DDHD2: variants seen among roughly 807,000 people sequenced by gnomAD.
DDHD2 encodes the protein triacylglycerol hydrolase DDHD2.
A neutral mutation model predicts 91.2 loss-of-function variants in DDHD2; 62 were observed. The observed-to-expected ratio is 0.68, with a 90% CI of 0.55 to 0.84. DDHD2 has a LOEUF of 0.84. Ranked by LOEUF, DDHD2 falls within the 40% of genes least tolerant of loss-of-function variation. DDHD2 has a pLI of 0.00. For synonymous variants in DDHD2, 271 were observed against 293.9 expected, an observed-to-expected ratio of 0.92 and a Z score of 0.80; for missense variants, 740 against 846.9, an observed-to-expected ratio of 0.87 and a Z score of 1.57.
chr8:38,232,707 G>C (rs1804379875), intron 1 of DDHD2, among the ~76,000 whole-genome samples: 1 of 152,148 alleles, frequency 6.6e-6, no homozygotes, highest in Admixed American at 6.5e-5. Context: ...GTGGTCCTGT[G>C]ATTCTGGGTT....
intron 6 of DDHD2, among the ~76,000 whole-genome samples, chr8:38,241,802 C>G (rs1231403757): frequency 6.0e-5 from 9 of 150,660 alleles, no homozygotes; most frequent in African/African-American, 2.2e-4. Context: ...ACCTGTAATC[C>G]CAGCACTTTG....
At chr8:38,255,189 C>T (rs539922848) in intron 16 of DDHD2, 12 of 232,174 alleles carry the variant, frequency 5.2e-5, no homozygotes, top group South Asian at 3.0e-4. Context: ...AGCGAGACTC[C>T]ATCTCAAAAA....
At chr8:38,252,563 G>A (rs1176534862) in intron 13 of DDHD2, among the ~76,000 whole-genome samples, 159 bp from the exon 14 acceptor site, 2 of 151,312 alleles carry the variant, frequency 1.3e-5, no homozygotes, top group South Asian at 2.1e-4. Context: ...GATTGCTTGA[G>A]CCTAGGAGTT....
chr8:38,246,162 CT>C, intron 8 of DDHD2, 70 bp from the exon 9 acceptor site: 3 of 1,257,248 alleles, frequency 2.4e-6, no homozygotes, highest in Non-Finnish European at 3.5e-6. Flanking sequence ...TGGCTTATGC[CT>C]TTTTTGTATA....
intron 4 of DDHD2, 22 bp downstream of exon 4, chr8:38,237,649 G>A: frequency 7.1e-7 from 1 of 1,410,882 alleles, no homozygotes; most frequent in African/African-American, 1.4e-5. Flanking sequence ...CATTTCTCTT[G>A]TCGGGATAAA....
intron 3 of DDHD2, among the ~76,000 whole-genome samples, chr8:38,237,324 C>T (rs182098663): frequency 3.6e-4 from 54 of 151,904 alleles, no homozygotes; most frequent in Middle Eastern, 6.8e-3. Context: ...TGCAGTGAGC[C>T]GAGATTGTGC....
chr8:38,248,131 A>G (rs1364189960), intron 10 of DDHD2, among the ~76,000 whole-genome samples: 1 of 152,088 alleles, frequency 6.6e-6, no homozygotes, highest in African/African-American at 2.4e-5. Context: ...TTCCAACTCT[A>G]ATTTTCTGTT....
intron 3 of DDHD2, among the ~76,000 whole-genome samples, chr8:38,236,469 C>T (rs570778456): frequency 4.7e-4 from 72 of 152,078 alleles, no homozygotes; most frequent in African/African-American, 1.7e-3. Flanking sequence ...CTTTTCCTGC[C>T]TCACCCTCCT....
At chr8:38,246,330 G>A in intron 9 of DDHD2, 30 bp downstream of exon 9, 1 of 1,542,270 alleles carries the variant, frequency 6.5e-7, no homozygotes, top group Non-Finnish European at 8.9e-7. Flanking sequence ...AGGTTTTCTT[G>A]TAGTTTTCCT....
chr8:38,255,221 CA>C, intron 16 of DDHD2: 1 of 264,058 alleles, frequency 3.8e-6, no homozygotes, highest in South Asian at 3.3e-5. Flanking sequence ...AAAGCAAGCT[CA>C]AAGGTCCTAA....
In DDHD2 at chr8:38,269,206, G is replaced by A. The variant is rs781738657; in HGVS notation, n.88-1916G>A. 5.3e-6 allele frequency: 8 copies of A among 1,497,300 alleles called. No individual in the cohort carries two copies. In the African/African-American group the frequency reaches 8.7e-5, roughly 16 times the overall value. The allele number at this position is 1,497,300 out of a possible 1,614,324, so 92.8% of individuals were successfully genotyped here. On this transcript the variant is annotated intron_variant and non_coding_transcript_variant, in intron 1 of 1. Coordinates refer to the DDHD2 transcript ENST00000526071. ...CCGCCGCCGCCTTCCCCATCCGGCC[G>A]CGAGCTCCGAGCGACGCTGCGCTGA... is the stretch of plus-strand genomic sequence containing the variant.
At chr8:38,241,459 T>C (rs1805250467) in intron 6 of DDHD2, among the ~76,000 whole-genome samples, 1 of 152,024 alleles carries the variant, frequency 6.6e-6, no homozygotes, top group Non-Finnish European at 1.5e-5. Context: ...TTTGCTCTGT[T>C]GCCCAGGCTG....
intron 16 of DDHD2, chr8:38,255,316 C>T (rs1806430832): frequency 2.0e-6 from 1 of 508,818 alleles, no homozygotes; most frequent in Non-Finnish European, 3.9e-6. Flanking sequence ...ACAGTAGAGG[C>T]CAAAAGCAAT....
At chr8:38,246,176 A>G (rs1805620534) in intron 8 of DDHD2, 57 bp from the exon 9 acceptor site, 7 of 1,317,798 alleles carry the variant, frequency 5.3e-6, no homozygotes, top group Non-Finnish European at 7.6e-6. Context: ...TTTGTATAAC[A>G]GAGAGCCATT....
chr8:38,240,373 G>A lies in DDHD2; in HGVS notation c.712+9G>A, dbSNP rs1290305541. ...AAGCATTGTACAGTGTGGTAGGTTT[G>A]CAAAGCATGTGAGAGAATATTAATC... On this transcript the variant is annotated intron_variant, in intron 6 of 17. Coordinates refer to ENST00000397166, the MANE Select transcript of DDHD2 (RefSeq NM_015214.3). 6.3e-7 allele frequency: 1 copy of A among 1,584,324 alleles called. No individual in the cohort carries two copies. The highest frequency in any genetic ancestry group is 2.2e-5 in the East Asian group (1 of 44,540).
chr8:38,237,568 G>A lies in DDHD2; in HGVS notation c.442G>A (p.Glu148Lys). The A allele has an allele frequency of 1.3e-6, 2 of 1,596,782 alleles. No individual in the cohort carries two copies. The highest frequency in any genetic ancestry group is 1.7e-6 in the Non-Finnish European group (2 of 1,170,692). The change falls in exon 4 of 18, where the codon GAA becomes AAA. Residue 148 changes from glutamate (E) to lysine (K), a missense_variant. By Grantham distance (56) the Glu-to-Lys change is moderately conservative. Around this residue, in one of 2 missense-constraint regions of DDHD2, gnomAD observed 693 missense variants for 764.2 expected, o/e 0.91. Transcript: ENST00000397166. Reference sequence around the variant, plus strand: ...TTACATGCTTGCTGTAACTTTGGATGAATGGAAAAAGAAACTGGAATCTCC... The same window carrying A: ...TTACATGCTTGCTGTAACTTTGGATAAATGGAAAAAGAAACTGGAATCTCC... ...ETYMLAVTLD[E>K]WKKKLESPNR... is the part of the protein sequence containing the mutation.
Position 38,238,164 on chromosome 8 carries a change from A to C in DDHD2, c.577A>C (p.Thr193Pro), listed in dbSNP as rs754907740. ...STPTEQGRPRTVKRGVENISV... is the reference protein window; with the variant it reads ...STPTEQGRPRPVKRGVENISV... ...ACCCACGGAGCAGGGTCGACCAAGA[A>C]CTGTGAAGAGAGGAGTTGAGAACAT... Residue 193 changes from threonine to proline, a missense_variant, in exon 5 of 18, where the codon ACT becomes CCT. By Grantham distance (38) the Thr-to-Pro change is conservative (BLOSUM62 -1). Coordinates refer to ENST00000397166, the MANE Select transcript of DDHD2 (RefSeq NM_015214.3). 6.2e-7 allele frequency: 1 copy of C among 1,613,980 alleles called. No individual in the cohort carries two copies. Among genetic ancestry groups the C allele is most frequent in the African/African-American group, 1.3e-5 (1 of 74,926 alleles).
Position 38,252,248 on chromosome 8 carries a change from A to T in DDHD2, c.1578A>T (p.Arg526Ser), listed in dbSNP as rs1337953203. 6.2e-7 allele frequency: 1 copy of T among 1,613,970 alleles called. No individual in the cohort carries two copies. The highest frequency in any genetic ancestry group is 8.5e-7 in the Non-Finnish European group (1 of 1,179,984). The change falls in exon 13 of 18, where the codon AGA becomes AGT. Residue 526 changes from arginine (R) to serine (S), a missense_variant. Coordinates refer to ENST00000397166, the MANE Select transcript of DDHD2 (RefSeq NM_015214.3). ...RGLKRIDPNY[R>S]FPTCKGFFNI... ...TAAAAAGAATTGATCCCAACTACAG[A>T]TTTCCAACGTGCAAAGGTTTCTTCA...
chr8:38,238,433 C>G, intron 5 of DDHD2: 1 of 1,277,350 alleles, frequency 7.8e-7, no homozygotes, highest in Non-Finnish European at 9.9e-7. Flanking sequence ...TTTGGCAATA[C>G]TATCCAGGAA....
Sources: allele counts gnomAD v4.1 joint callset (sites outside exome capture counted in the v4.1 genomes callset), GRCh38; gene constraint gnomAD v4.1.1; regional missense constraint gnomAD v4.1.1; transcripts MANE v1.5; gene names NCBI Gene and HGNC (gene_info 2026-07-23, HGNC 2026-07-21).